Variants in TMCO5A observed in about 807,000 individuals in gnomAD.
TMCO5A encodes transmembrane and coiled-coil domain-containing protein 5A.
TMCO5A carries 34 observed loss-of-function variants against 42.3 expected under a neutral mutation model. That is an observed-to-expected ratio of 0.80 (90% CI 0.61 to 1.07). TMCO5A has a LOEUF of 1.07. TMCO5A is among the 50% of genes least tolerant of loss of function. TMCO5A has a pLI of 0.00. For missense variants in TMCO5A, 357 were observed against 327.9 expected (o/e 1.09, Z -0.69); for synonymous variants, 131 against 115.6 (o/e 1.13, Z -0.86).
chr15:37,984,778 C>T, the TMCO5A span: 1 of 142,714 alleles, frequency 7.0e-6, no homozygotes, highest in African/African-American at 2.6e-5. Flanking sequence ...GAAAGCAGCT[C>T]TCACCAGACA....
chr15:38,028,034 A>G, the TMCO5A span, among the ~76,000 whole-genome samples: 3 of 152,184 alleles, frequency 2.0e-5, no homozygotes, highest in African/African-American at 7.2e-5. Flanking sequence ...TGTCTTGCAT[A>G]TAATAGGTAC....
At chr15:37,950,960 C>A (rs1307768332) in intron 11 of TMCO5A, 76 bp from the exon 12 acceptor site, 3 of 1,258,632 alleles carry the variant, frequency 2.4e-6, no homozygotes, top group Non-Finnish European at 3.4e-6. Flanking sequence ...GCCAGATATG[C>A]ATTCAGGTAT....
At chr15:38,037,400 C>CA in the TMCO5A span, among the ~76,000 whole-genome samples, 70 of 152,266 alleles carry the variant, frequency 4.6e-4, no homozygotes, top group African/African-American at 1.6e-3. Flanking sequence ...TCCAAATTAA[C>CA]AAGCACATAT....
chr15:37,965,665 C>G (rs138591918), intron 11 of TMCO5A, among the ~76,000 whole-genome samples: 211 of 152,244 alleles, frequency 1.4e-3, no homozygotes, highest in South Asian at 2.7e-3. Flanking sequence ...AGGTACTTGA[C>G]ATCATTGATC....
downstream of TMCO5A, among the ~76,000 whole-genome samples, chr15:37,954,894 T>C (rs1890247827): frequency 6.6e-6 from 1 of 151,962 alleles, no homozygotes; most frequent in Admixed American, 6.6e-5. Flanking sequence ...AAATAATGGG[T>C]TATAAGATAG....
the TMCO5A span, among the ~76,000 whole-genome samples, chr15:38,028,038 T>C: frequency 6.6e-6 from 1 of 152,284 alleles, no homozygotes; most frequent in Non-Finnish European, 1.5e-5. Flanking sequence ...TTGCATATAA[T>C]AGGTACTCAA....
chr15:37,997,151 C>G, the TMCO5A span, among the ~76,000 whole-genome samples: 1 of 152,066 alleles, frequency 6.6e-6, no homozygotes, highest in Admixed American at 6.5e-5. Context: ...GAAAAACGAC[C>G]TGGGAGACGG....
the TMCO5A span, among the ~76,000 whole-genome samples, chr15:38,014,117 C>G: frequency 6.6e-6 from 1 of 152,186 alleles, no homozygotes; most frequent in South Asian, 2.1e-4. Context: ...ATAATTCCCT[C>G]ACCTCAAGAT....
intron 11 of TMCO5A, among the ~76,000 whole-genome samples, chr15:37,949,622 G>GA (rs34845308): frequency 2.0e-5 from 3 of 151,018 alleles, no homozygotes; most frequent in Admixed American, 1.3e-4. Context: ...GAACAGCAGG[G>GA]AAAAAAATGG....
chr15:37,979,011 G>C, the TMCO5A span, among the ~76,000 whole-genome samples: 3 of 151,710 alleles, frequency 2.0e-5, no homozygotes, highest in Admixed American at 6.6e-5. Context: ...GTACCAAGGG[G>C]GAAATCCACC....
At chr15:37,990,521 C>T in the TMCO5A span, among the ~76,000 whole-genome samples, 6 of 151,894 alleles carry the variant, frequency 4.0e-5, no homozygotes, top group Non-Finnish European at 7.4e-5. Flanking sequence ...GTGAATTGCT[C>T]GATGACAGCA....
chr15:37,966,294 T>G (rs1280360843), intron 11 of TMCO5A, among the ~76,000 whole-genome samples: 1 of 151,924 alleles, frequency 6.6e-6, no homozygotes, highest in African/African-American at 2.4e-5. Flanking sequence ...TGGTTTTTTT[T>G]TTTAAGTAAG....
the TMCO5A span, among the ~76,000 whole-genome samples, chr15:37,990,108 G>A: frequency 6.6e-6 from 1 of 152,184 alleles, no homozygotes; most frequent in East Asian, 1.9e-4. Context: ...TGCTGTTGTT[G>A]AATAAAGTGT....
chr15:37,945,013 C>T (rs892585282), intron 10 of TMCO5A, among the ~76,000 whole-genome samples: 1 of 152,076 alleles, frequency 6.6e-6, no homozygotes. Context: ...CTTCCTAATG[C>T]TCTCCCTCCC....
chr15:37,938,339 C>A, intron 6 of TMCO5A, 110 bp downstream of exon 6: 1 of 912,228 alleles, frequency 1.1e-6, no homozygotes, highest in Non-Finnish European at 1.6e-6. Flanking sequence ...AGTTTTCCTC[C>A]ATGTCAAGCT....
chr15:37,991,080 TA>T, the TMCO5A span, among the ~76,000 whole-genome samples: 3 of 152,154 alleles, frequency 2.0e-5, no homozygotes, highest in Non-Finnish European at 4.4e-5. Context: ...ATAGTAATTT[TA>T]AAAATGTTAG....
chr15:38,037,785 C>G, the TMCO5A span, among the ~76,000 whole-genome samples: 1 of 152,098 alleles, frequency 6.6e-6, no homozygotes. Flanking sequence ...GAGGCCAAGG[C>G]AGGCAGATCA....
the TMCO5A span, among the ~76,000 whole-genome samples, chr15:38,014,853 TTATATATATATATATATATATA>T: frequency 0.038 from 2,088 of 54,656 alleles, 152 homozygotes; most frequent in African/African-American, 0.15. Flanking sequence ...AGGAGAAAGA[TTATATATATATATATATATATA>T]TATATATATA....
intron 11 of TMCO5A, among the ~76,000 whole-genome samples, chr15:37,964,586 C>A (rs555778522): frequency 2.0e-5 from 3 of 152,056 alleles, no homozygotes; most frequent in South Asian, 4.2e-4. Context: ...GATGACCTGT[C>A]CCCACTTTGT....
Sources: allele counts gnomAD v4.1 joint callset (sites outside exome capture counted in the v4.1 genomes callset), GRCh38; gene constraint gnomAD v4.1.1; transcripts MANE v1.5; gene names NCBI Gene and HGNC (gene_info 2026-07-23, HGNC 2026-07-21).